Variants in AGRN observed in about 807,000 individuals in gnomAD.
AGRN encodes the protein agrin.
AGRN carries 106 observed loss-of-function variants against 211.0 expected under a neutral mutation model. The ratio of observed to expected loss-of-function variants is 0.50; its 90% CI spans 0.43 to 0.59. AGRN has a LOEUF of 0.59. AGRN is among the 20% of genes least tolerant of loss of function. The probability of loss-of-function intolerance (pLI) is 0.00; values close to 1 mark genes in which losing one functional copy is unlikely to be tolerated. For missense variants in AGRN, 3,040 were observed against 2,982.6 expected, an observed-to-expected ratio of 1.02 and a Z score of -0.45; for synonymous variants, 1,525 against 1,332.5, an observed-to-expected ratio of 1.14 and a Z score of -3.15.
intron 2 of AGRN, among the ~76,000 whole-genome samples, chr1:1,025,215 A>T (rs1416915189): frequency 2.0e-5 from 3 of 151,708 alleles, no homozygotes; most frequent in Non-Finnish European, 2.9e-5. Flanking sequence ...GGTCAGAGTG[A>T]GTCTGGCGCC....
rs774574919 is a variant in AGRN at position 1,053,725 on chromosome 1, A to T, written c.5652-28A>T. 4 of 1,567,778 alleles carry T rather than the reference A, an allele frequency of 2.6e-6. No individual in the cohort carries two copies. The South Asian group carries it at 4.7e-5, about 18-fold the overall frequency. On this transcript the variant is annotated intron_variant, in intron 33 of 35. Transcript: ENST00000379370. The stretch of plus-strand genomic sequence containing the variant: ...CCCTGTCCTGTTGCCACCTTCCTAG[A>T]GGCCCTGACCTGCCCTCTGCCCTCC...
chr1:1,033,711 C>G (rs1254118137), intron 2 of AGRN, among the ~76,000 whole-genome samples: 4 of 134,482 alleles, frequency 3.0e-5, no homozygotes, highest in Non-Finnish European at 4.9e-5. Context: ...CAGTCCCACC[C>G]CCAGTCCCAA....
At chr1:1,035,102 C>T (rs1644769593) in intron 2 of AGRN, 175 bp from the exon 3 acceptor site, 12 of 747,928 alleles carry the variant, frequency 1.6e-5, no homozygotes, top group Middle Eastern at 3.7e-4. Flanking sequence ...GCCTCTGTCT[C>T]AGACCTCAGC....
Position 1,054,838 on chromosome 1 carries a change from C to A in AGRN, c.5995C>A (p.Leu1999Met), listed in dbSNP as rs868724036. ...GALWLGGLPE[L>M]PVGPALPKAY... ...CTGTGCTGCAGGGGGCCTGCCGGAG[C>A]TGCCCGTGGGCCCAGCACTGCCCAA... Residue 1999 changes from leucine to methionine, a missense_variant, in exon 36 of 36, where the codon CTG becomes ATG. By Grantham distance (15) the Leu-to-Met change is conservative. Coordinates refer to ENST00000379370, the MANE Select transcript of AGRN (RefSeq NM_198576.4). The A allele has an allele frequency of 2.6e-6, 4 of 1,559,216 alleles. No homozygotes were observed. The African/African-American group carries it at 5.4e-5, about 21-fold the overall frequency.
intron 33 of AGRN, chr1:1,052,077 G>A: frequency 1.4e-6 from 2 of 1,462,698 alleles, no homozygotes; most frequent in South Asian, 1.2e-5. Flanking sequence ...CTTCCTGGTG[G>A]GGAGCAGAGT....
intron 3 of AGRN, 86 bp from the exon 4 acceptor site, chr1:1,040,579 G>C: frequency 6.8e-7 from 1 of 1,476,142 alleles, no homozygotes; most frequent in Non-Finnish European, 9.2e-7. Flanking sequence ...GAATGCGCGG[G>C]CTGCGAGCAC....
At chr1:1,033,038 C>G (rs1336272121) in intron 2 of AGRN, among the ~76,000 whole-genome samples, 3 of 152,080 alleles carry the variant, frequency 2.0e-5, no homozygotes, top group Admixed American at 2.0e-4. Flanking sequence ...CCAGATGGGC[C>G]CAGACCCCCA....
chr1:1,029,229 G>A (rs902985677), intron 2 of AGRN, among the ~76,000 whole-genome samples: 1 of 152,188 alleles, frequency 6.6e-6, no homozygotes, highest in East Asian at 1.9e-4. Context: ...AAGTACCTGC[G>A]GGTGCCCAAC....
At chr1:1,029,558 G>T (rs554594170) in intron 2 of AGRN, among the ~76,000 whole-genome samples, 2 of 152,274 alleles carry the variant, frequency 1.3e-5, no homozygotes, top group East Asian at 3.9e-4. Context: ...CAGGGGTGGT[G>T]CTGGGCAGGC....
At position 1,053,646 on chromosome 1, in the gene AGRN, G is replaced by C. The variant is rs563960394; in HGVS notation, c.5652-107G>C. 3 of 1,493,806 alleles carry C rather than the reference G, an allele frequency of 2.0e-6. No individual in the cohort carries two copies. The African/African-American group carries it at 4.2e-5, about 21-fold the overall frequency. The allele number at this position is 1,493,806 out of a possible 1,614,324, so 92.5% of individuals were successfully genotyped here. A position where few individuals can be genotyped will look rare whatever the true frequency, so the allele number is the denominator to read the frequency against. ...TGCCCACCAGCCACCCCTGGGTCCC[G>C]TCACAGCCCTTGTGGCCTCCGCAGC... On this transcript the variant is annotated intron_variant, in intron 33 of 35. Transcript: ENST00000379370.
intron 14 of AGRN, 69 bp downstream of exon 14, chr1:1,045,592 TCTC>T (rs1238857101): frequency 7.7e-5 from 123 of 1,604,234 alleles, no homozygotes; most frequent in Non-Finnish European, 8.3e-5. Flanking sequence ...TCACTGTGCT[TCTC>T]CTCACCTGCC....
intron 33 of AGRN, chr1:1,053,207 G>A (rs1032460437): frequency 2.7e-5 from 8 of 300,800 alleles, no homozygotes; most frequent in Non-Finnish European, 4.9e-5. Context: ...CTGCACGTGG[G>A]TGTCTGCATG....
In AGRN at chr1:1,048,006, C is replaced by T. The variant is rs779516004; in HGVS notation, c.3752-6C>T. ...AGGAAACCCTAACAGCTCCCTGTGC[C>T]GGCAGACTGGTTTCCTGCGTTTATC... On this transcript the variant is annotated splice_region_variant and splice_polypyrimidine_tract_variant and intron_variant, in intron 22 of 35. Coordinates refer to ENST00000379370, the MANE Select transcript of AGRN (RefSeq NM_198576.4). This position sits in a 1 kb window ranked among gnomAD's most constrained non-coding sequence, Gnocchi z 5.9. The T allele has an allele frequency of 9.9e-5, 156 of 1,576,480 alleles. No homozygotes were observed. Among genetic ancestry groups the T allele is most frequent in the South Asian group, 5.5e-4 (48 of 86,884 alleles).
At position 1,022,518 on chromosome 1, in the gene AGRN, G is replaced by T. The variant is rs2799064; in HGVS notation, c.463+56G>T. On this transcript the variant is annotated intron_variant, in intron 2 of 35. Transcript: ENST00000379370. Reference sequence around the variant, plus strand: ...GTGGGGGTCAGGGCAGTGGCCAAGGGGGACAGGTTGCAGGGGTCGCTGTGC... The same window carrying T: ...GTGGGGGTCAGGGCAGTGGCCAAGGTGGACAGGTTGCAGGGGTCGCTGTGC... 0.34 allele frequency: 536,817 copies of T among 1,557,668 alleles called. 94,257 individuals are homozygous for T. Among genetic ancestry groups the T allele is most frequent in the South Asian group, 0.36 (30,076 of 82,584 alleles).
chr1:1,029,886 CTG>C (rs1346832900), intron 2 of AGRN, among the ~76,000 whole-genome samples: 1 of 58,020 alleles, frequency 1.7e-5, no homozygotes, highest in African/African-American at 6.2e-5. Flanking sequence ...GTGCATGGTG[CTG>C]TGAGATCAGT....
intron 12 of AGRN, 45 bp downstream of exon 12, chr1:1,044,484 T>A (rs982646479): frequency 1.3e-6 from 2 of 1,557,660 alleles, no homozygotes; most frequent in Non-Finnish European, 8.7e-7. Context: ...CGGGGCGGCG[T>A]CTGGGTTTCC....
At position 1,047,607 on chromosome 1, in the gene AGRN, A is replaced by G; in HGVS notation, c.3551A>G (p.Lys1184Arg). 1 of 1,612,998 alleles carries G rather than the reference A, an allele frequency of 6.2e-7. No homozygotes were observed. The highest frequency in any genetic ancestry group is 8.5e-7 in the Non-Finnish European group (1 of 1,180,016). ...DDLFRNSDVKKDFRSVRLRDL... is the reference protein window; with the variant it reads ...DDLFRNSDVKRDFRSVRLRDL... Reference sequence around the variant, plus strand: ...CTCTTCCGGAATTCAGACGTCAAGAAGGATTTTCGGAGTGTCCGCTTGCGG... The same window carrying G: ...CTCTTCCGGAATTCAGACGTCAAGAGGGATTTTCGGAGTGTCCGCTTGCGG... The change falls in exon 21 of 36, where the codon AAG (lysine) becomes AGG (arginine). Residue 1184 changes from lysine (K) to arginine (R), a missense_variant. Physicochemically the swap from Lys to Arg is conservative, Grantham distance 26. Coordinates refer to ENST00000379370, the MANE Select transcript of AGRN (RefSeq NM_198576.4).
chr1:1,024,462 C>CT (rs1644475958), intron 2 of AGRN, among the ~76,000 whole-genome samples: 1 of 151,850 alleles, frequency 6.6e-6, no homozygotes, highest in East Asian at 1.9e-4. Flanking sequence ...CATCTGACTC[C>CT]GACCCCACCT....
chr1:1,047,268 T>G, intron 19 of AGRN, 59 bp from the exon 20 acceptor site: 1 of 1,544,934 alleles, frequency 6.5e-7, no homozygotes, highest in Admixed American at 2.1e-5. Context: ...GGCCTGTGCC[T>G]GGGCCAGCCT....
Sources: allele counts gnomAD v4.1 joint callset (sites outside exome capture counted in the v4.1 genomes callset), GRCh38; gene constraint gnomAD v4.1.1; non-coding constraint Gnocchi (gnomAD v3.1); transcripts MANE v1.5; gene names NCBI Gene and HGNC (gene_info 2026-07-23, HGNC 2026-07-21).